MTUS2: variants seen among roughly 807,000 people sequenced by gnomAD.
MTUS2 encodes the protein microtubule associated scaffold protein 2, also known as microtubule-associated tumor suppressor candidate 2.
MTUS2 carries 40 observed loss-of-function variants against 114.1 expected under a neutral mutation model. The observed-to-expected ratio is 0.35, with a 90% confidence interval of 0.27 to 0.46. The LOEUF is 0.46. Among genes scored for constraint, MTUS2 ranks in the 20% least tolerant of loss-of-function variants. MTUS2 has a pLI of 1.00. For synonymous variants in MTUS2, 688 were observed against 672.0 expected (o/e 1.02, Z -0.37); for missense variants, 1,679 against 1,705.4 (o/e 0.98, Z 0.27).
At chr13:28,936,583 C>G (rs542374634) in intron 2 of MTUS2, among the ~76,000 whole-genome samples, 8 of 152,252 alleles carry the variant, frequency 5.3e-5, no homozygotes, top group African/African-American at 1.7e-4. Context: ...CCTCTGGAAC[C>G]TGCAGCTACT....
chr13:28,852,947 A>AC (rs1876385597), intron 2 of MTUS2, among the ~76,000 whole-genome samples: 2 of 97,728 alleles, frequency 2.0e-5, no homozygotes, highest in Non-Finnish European at 4.6e-5. Context: ...CCTCTGTCTT[A>AC]AATACATACA....
At chr13:29,369,806 C>A (rs1260473368) in intron 8 of MTUS2, among the ~76,000 whole-genome samples, 1 of 152,122 alleles carries the variant, frequency 6.6e-6, no homozygotes, top group Admixed American at 6.5e-5. Context: ...ATTATGCTGA[C>A]AAAATAGATA....
At chr13:29,275,618 G>T (rs1453471840) in intron 5 of MTUS2, among the ~76,000 whole-genome samples, 1 of 152,118 alleles carries the variant, frequency 6.6e-6, no homozygotes, top group Non-Finnish European at 1.5e-5. Context: ...GAGAACATGG[G>T]AAGTTTGTCT....
chr13:29,346,635 C>A (rs1352102957), intron 7 of MTUS2, among the ~76,000 whole-genome samples: 1 of 114,130 alleles, frequency 8.8e-6, no homozygotes. Context: ...CCACCTGCAG[C>A]AGCTTCTGTG....
At chr13:29,375,523 A>AT (rs1305365605) in intron 8 of MTUS2, among the ~76,000 whole-genome samples, 1 of 6,224 alleles carries the variant, frequency 1.6e-4, no homozygotes, top group Admixed American at 4.1e-3. Context: ...TACTATATAT[A>AT]TATATATATA....
intron 5 of MTUS2, among the ~76,000 whole-genome samples, chr13:29,113,247 C>T (rs147441130): frequency 9.7e-4 from 147 of 152,304 alleles, no homozygotes; most frequent in African/African-American, 3.3e-3. Flanking sequence ...AGCCCTGAGC[C>T]TGCTCTGTCT....
At chr13:28,935,993 C>T (rs753287633) in intron 2 of MTUS2, among the ~76,000 whole-genome samples, 4 of 152,122 alleles carry the variant, frequency 2.6e-5, no homozygotes, top group East Asian at 3.9e-4. Context: ...GTGATCCTTC[C>T]GTCTTGGCCT....
At chr13:29,307,908 C>G (rs1946209157) in intron 6 of MTUS2, 1 of 535,360 alleles carries the variant, frequency 1.9e-6, no homozygotes, top group Admixed American at 3.0e-5. Context: ...ATGCAGATCT[C>G]CTGAAGAGGG....
intron 2 of MTUS2, among the ~76,000 whole-genome samples, chr13:28,883,142 C>A (rs1010773286): frequency 6.6e-6 from 1 of 152,032 alleles, no homozygotes; most frequent in Non-Finnish European, 1.5e-5. Flanking sequence ...ATAAAAATAG[C>A]GAGAATACCA....
chr13:29,500,320 G>A (rs1349899067), intron 14 of MTUS2, among the ~76,000 whole-genome samples: 5 of 152,326 alleles, frequency 3.3e-5, no homozygotes, highest in African/African-American at 1.2e-4. Flanking sequence ...ATGGAAAAGG[G>A]ACAGTTTTCT....
At chr13:28,985,576 T>A (rs9508208) in intron 2 of MTUS2, among the ~76,000 whole-genome samples, 56,889 of 149,386 alleles carry the variant, frequency 0.38, 11,019 homozygotes, top group African/African-American at 0.44. Context: ...TTTTTTTTTT[T>A]AAAAAGCTTT....
At chr13:29,357,718 G>C (rs1285807504) in intron 7 of MTUS2, among the ~76,000 whole-genome samples, 1 of 152,178 alleles carries the variant, frequency 6.6e-6, no homozygotes, top group South Asian at 2.1e-4. Context: ...TATGTATTCT[G>C]CTATCATAAA....
intron 2 of MTUS2, among the ~76,000 whole-genome samples, chr13:28,962,115 A>G (rs1228303141): frequency 2.0e-5 from 3 of 151,670 alleles, no homozygotes; most frequent in African/African-American, 7.2e-5. Context: ...ATATTTAAAA[A>G]TATCTGAAAA....
intron 2 of MTUS2, among the ~76,000 whole-genome samples, chr13:29,003,721 A>C (rs1885480862): frequency 6.6e-6 from 1 of 152,188 alleles, no homozygotes; most frequent in Admixed American, 6.5e-5. Context: ...CACTTTGTGC[A>C]GAAAAGGAAG....
At chr13:29,054,339 T>C (rs1888033064) in intron 4 of MTUS2, among the ~76,000 whole-genome samples, 1 of 152,220 alleles carries the variant, frequency 6.6e-6, no homozygotes, top group African/African-American at 2.4e-5. Flanking sequence ...ATATATCTTT[T>C]GAAAATATTT....
rs1266727498 is a variant in MTUS2 at position 29,380,639 on chromosome 13, G to A, written c.3117+21166G>A. On this transcript the variant is annotated intron_variant, in intron 8 of 15. Transcript: ENST00000612955. ...TGAAGATAAAAGACATCAGCTGGCC[G>A]GGCGCGGTGGCTCACGCCTGTAATC... Among the ~76,000 whole-genome samples the A allele has an allele frequency of 3.9e-4, 7 of 18,098 alleles. 2 individuals carry two copies. Among genetic ancestry groups the A allele is most frequent in the African/African-American group, 5.2e-4 (7 of 13,414 alleles). 11.9% of individuals were successfully genotyped at this position (18,098 alleles called of 152,430 possible).
At chr13:28,845,661 T>G (rs1875827255) in intron 2 of MTUS2, among the ~76,000 whole-genome samples, 1 of 143,438 alleles carries the variant, frequency 7.0e-6, no homozygotes, top group African/African-American at 2.5e-5. Context: ...GTTTTGTTTG[T>G]TTTTTTTTTT....
intron 5 of MTUS2, among the ~76,000 whole-genome samples, chr13:29,238,805 C>T (rs369939429): frequency 2.6e-5 from 4 of 152,144 alleles, no homozygotes; most frequent in Non-Finnish European, 4.4e-5. Context: ...TTAACCATCA[C>T]GGTGGATGAA....
At chr13:29,239,268 A>G (rs1230335378) in intron 5 of MTUS2, 1 of 152,240 alleles carries the variant, frequency 6.6e-6, no homozygotes, top group East Asian at 1.9e-4. Flanking sequence ...CTGGGAAGAA[A>G]GAACACATAC....
Sources: gnomAD v4.1 joint callset for allele counts (sites outside exome capture counted in the v4.1 genomes callset) on GRCh38, gnomAD v4.1.1 for gene constraint, MANE v1.5 for transcripts, NCBI Gene and HGNC (gene_info 2026-07-23, HGNC 2026-07-21) for gene names.